The following RICTOR variants were observed in gnomAD, a reference collection of about 807,000 sequenced individuals.
The protein encoded by RICTOR is RPTOR independent companion of MTOR complex 2.
RICTOR carries 49 observed loss-of-function variants against 214.9 expected under a neutral mutation model. The observed-to-expected ratio is 0.23, with a 90% CI of 0.18 to 0.29. RICTOR has a LOEUF of 0.29. Among genes scored for constraint, RICTOR ranks in the 10% least tolerant of loss-of-function variants. RICTOR has a pLI of 1.00. For missense variants in RICTOR, 1,625 were observed against 2,047.0 expected (o/e 0.79, Z 3.98); for synonymous variants, 717 against 711.3 (o/e 1.01, Z -0.13).
intron 5 of RICTOR, among the ~76,000 whole-genome samples, chr5:38,999,319 G>A (rs1267653500): frequency 1.3e-5 from 2 of 151,694 alleles, no homozygotes; most frequent in African/African-American, 4.8e-5. Flanking sequence ...AGCAGCCAGA[G>A]GTAAAAAGAT....
At chr5:39,047,556 C>T (rs951794593) in intron 2 of RICTOR, among the ~76,000 whole-genome samples, 21 of 152,180 alleles carry the variant, frequency 1.4e-4, no homozygotes, top group Admixed American at 3.3e-4. Context: ...ACGTAGACTA[C>T]ATTATAATGG....
rs950222349 is a variant in RICTOR, at chr5:38,942,000, G to T, written c.*304C>A. The T allele has an allele frequency of 7.3e-6, 2 of 274,284 alleles. No homozygotes were observed. The highest frequency in any genetic ancestry group is 2.2e-5 in the African/African-American group (1 of 46,410). The allele number at this position is 274,284 out of a possible 1,614,324, so 17.0% of individuals were successfully genotyped here. ...TCCACTGTCATTATGCTTTTAAAATGAAAGAAAATAGAAAACCTATGTAGG... is the reference window on the plus strand; with the variant it reads ...TCCACTGTCATTATGCTTTTAAAATTAAAGAAAATAGAAAACCTATGTAGG... On this transcript the variant is annotated 3_prime_UTR_variant, in exon 38 of 38. Coordinates refer to ENST00000357387, the MANE Select transcript of RICTOR (RefSeq NM_152756.5).
Position 38,952,334 on chromosome 5 carries a change from G to A in RICTOR, c.2989C>T (p.Arg997Cys), listed in dbSNP as rs539956555. Residue 997 changes from arginine (R) to cysteine (C), a missense_variant, in exon 30 of 38, where the codon CGC becomes TGC. Physicochemically the swap from Arg to Cys is radical, Grantham distance 180. Around this residue, in one of 5 missense-constraint regions of RICTOR, gnomAD observed 1,214 missense variants for 1,470.5 expected, o/e 0.83. Transcript: ENST00000357387. Reference protein sequence around the residue: ...CHNWDAVRHSRKHLWPVVPDD... With the variant: ...CHNWDAVRHSCKHLWPVVPDD... ...GGAACCACTGGCCACAGATGTTTGC[G>A]ACTATGCCTCACAGCATCCCAGTTG... is the stretch of plus-strand genomic sequence containing the variant. 21 of 1,612,928 alleles carry A rather than the reference G, an allele frequency of 1.3e-5. No individual in the cohort carries two copies. In the Admixed American group the frequency reaches 2.0e-4, roughly 15 times the overall value.
intron 5 of RICTOR, among the ~76,000 whole-genome samples, chr5:38,997,465 TAGAC>T (rs1753262014): frequency 6.6e-6 from 1 of 152,188 alleles, no homozygotes. Context: ...AATTTTTATT[TAGAC>T]AGTTCATTAT....
intron 2 of RICTOR, among the ~76,000 whole-genome samples, chr5:39,026,759 G>C (rs1276494989): frequency 6.6e-6 from 1 of 151,798 alleles, no homozygotes; most frequent in African/African-American, 2.4e-5. Context: ...TGTAATCCTA[G>C]CACTTTGGGA....
intron 2 of RICTOR, among the ~76,000 whole-genome samples, chr5:39,038,176 A>G (rs1294230229): frequency 2.0e-5 from 3 of 152,232 alleles, no homozygotes; most frequent in Non-Finnish European, 2.9e-5. Flanking sequence ...TATGCAAATC[A>G]ATAAACGTAA....
intron 16 of RICTOR, among the ~76,000 whole-genome samples, chr5:38,964,042 T>C (rs1430872175): frequency 6.6e-6 from 1 of 151,810 alleles, no homozygotes; most frequent in African/African-American, 2.4e-5. Context: ...TTAACAAAAA[T>C]ACATAGTTTT....
chr5:39,014,333 A>G (rs1015241439), intron 3 of RICTOR, among the ~76,000 whole-genome samples: 2 of 152,150 alleles, frequency 1.3e-5, no homozygotes, highest in Admixed American at 6.5e-5. Context: ...GAAAATACAC[A>G]TACACATTTA....
chr5:39,040,802 T>A (rs983814534), intron 2 of RICTOR, among the ~76,000 whole-genome samples: 1 of 152,198 alleles, frequency 6.6e-6, no homozygotes, highest in East Asian at 1.9e-4. Context: ...TATTCAGTTA[T>A]AAATTTCAAT....
chr5:39,003,709 G>C (rs1404375812), intron 3 of RICTOR, 87 bp from the exon 4 acceptor site: 2 of 735,764 alleles, frequency 2.7e-6, no homozygotes, highest in Non-Finnish European at 4.4e-6. Context: ...TGGAAAATAA[G>C]GTATTTTTAT....
intron 25 of RICTOR, 66 bp from the exon 26 acceptor site, chr5:38,955,770 A>G: frequency 1.1e-6 from 1 of 872,444 alleles, no homozygotes; most frequent in Non-Finnish European, 2.0e-6. Flanking sequence ...AAAATATGTC[A>G]GATACTTAGC....
chr5:38,957,173 C>T (rs2112902438), intron 25 of RICTOR, among the ~76,000 whole-genome samples: 1 of 152,126 alleles, frequency 6.6e-6, no homozygotes, highest in African/African-American at 2.4e-5. Flanking sequence ...AGCAGGTTTC[C>T]CTATGACAGC....
intron 9 of RICTOR, 106 bp downstream of exon 9, chr5:38,978,477 T>C: frequency 2.2e-6 from 1 of 447,526 alleles, no homozygotes; most frequent in Middle Eastern, 4.6e-4. Flanking sequence ...AGAAAATTTA[T>C]TTAAACTCAC....
chr5:38,990,357 A>G (rs1752493811), intron 7 of RICTOR, among the ~76,000 whole-genome samples: 1 of 151,596 alleles, frequency 6.6e-6, no homozygotes, highest in Admixed American at 6.6e-5. Flanking sequence ...CGGGGGAGGG[A>G]CAGCATTAGG....
Position 38,944,895 on chromosome 5 carries a change from T to C in RICTOR, c.4789+18A>G. Reference sequence around the variant, plus strand: ...ACAGTTTTACTAATAATGATTGGATTTGAATCTGAAGACTCACCTAGTAAC... The same window carrying C: ...ACAGTTTTACTAATAATGATTGGATCTGAATCTGAAGACTCACCTAGTAAC... On this transcript the variant is annotated intron_variant, in intron 35 of 37. Transcript: ENST00000357387. 1 of 1,609,438 alleles carries C rather than the reference T, an allele frequency of 6.2e-7. No individual in the cohort carries two copies. The highest frequency in any genetic ancestry group is 8.5e-7 in the Non-Finnish European group (1 of 1,176,156).
rs567923902 is a variant in RICTOR, at chr5:39,053,765, G to A, written c.97+20346C>T. Among the ~76,000 whole-genome samples, 6 of 149,486 alleles carry A rather than the reference G, an allele frequency of 4.0e-5. No individual in the cohort carries two copies. The South Asian group carries it at 8.7e-4, about 22-fold the overall frequency. On this transcript the variant is annotated intron_variant, in intron 2 of 37. Transcript: ENST00000357387. Reference sequence around the variant, plus strand: ...AAATTAGCCGGGCGAGGTGGCGGGCGCCTGTAGTCCCAGCTACTCGGGAGG... The same window carrying A: ...AAATTAGCCGGGCGAGGTGGCGGGCACCTGTAGTCCCAGCTACTCGGGAGG...
At chr5:38,947,869 G>A (rs951595409) in intron 31 of RICTOR, among the ~76,000 whole-genome samples, 12 of 151,996 alleles carry the variant, frequency 7.9e-5, no homozygotes, top group African/African-American at 2.9e-4. Context: ...TAAAAAATGA[G>A]ATCAATTACA....
chr5:38,993,513 T>C (rs1381697241), intron 6 of RICTOR, among the ~76,000 whole-genome samples: 1 of 151,966 alleles, frequency 6.6e-6, no homozygotes, highest in Non-Finnish European at 1.5e-5. Context: ...AGACAGAACA[T>C]TTCCAAATGA....
intron 3 of RICTOR, among the ~76,000 whole-genome samples, chr5:39,016,233 A>C (rs1754931086): frequency 6.6e-6 from 1 of 152,024 alleles, no homozygotes; most frequent in East Asian, 1.9e-4. Flanking sequence ...AAAACAAACA[A>C]GACAAAAAGT....
Sources: gnomAD v4.1 joint callset for allele counts (sites outside exome capture counted in the v4.1 genomes callset) on GRCh38, gnomAD v4.1.1 for gene constraint, gnomAD v4.1.1 regional missense constraint, MANE v1.5 for transcripts, NCBI Gene and HGNC (gene_info 2026-07-23, HGNC 2026-07-21) for gene names.